Variants in JAG2 observed in about 807,000 individuals in gnomAD.
JAG2 encodes the protein jagged canonical Notch ligand 2, also known as protein jagged-2.
Under a neutral mutation model 141.7 loss-of-function variants are expected in JAG2, and 46 were observed. That is an observed-to-expected ratio of 0.32 (90% CI 0.26 to 0.42). JAG2 has a LOEUF of 0.42. Among genes scored for constraint, JAG2 ranks in the 10% least tolerant of loss-of-function variants. JAG2 has a pLI of 1.00. For missense variants in JAG2, 1,500 were observed against 1,817.5 expected (o/e 0.83, Z 3.18); for synonymous variants, 862 against 763.5 (o/e 1.13, Z -2.13).
rs1273845834 is a variant in JAG2 at position 105,142,770 on chromosome 14, G to A, written c.3642C>T (p.His1214=). The A allele has an allele frequency of 6.2e-7, 1 of 1,610,930 alleles. No homozygotes were observed. Among genetic ancestry groups the A allele is most frequent in the Non-Finnish European group, 8.5e-7 (1 of 1,179,128 alleles). ...DPGRSPGRPA[H]WASGPKVDNR... is the part of the protein sequence containing the mutation. Reference sequence around the variant, plus strand: ...TGTCCACTTTGGGGCCTGAGGCCCAGTGGGCCGGCCTCCCCGGCGAGCGGC... The same window carrying A: ...TGTCCACTTTGGGGCCTGAGGCCCAATGGGCCGGCCTCCCCGGCGAGCGGC... Residue 1214 remains histidine (H), a synonymous_variant, in exon 26 of 26, where the codon CAC becomes CAT. Transcript: ENST00000331782.
rs1416221890 is a variant in JAG2, at chr14:105,149,012, G to A, written c.1831C>T (p.Arg611Cys). 3.1e-6 allele frequency: 5 copies of A among 1,606,792 alleles called. No individual in the cohort carries two copies. Among genetic ancestry groups the A allele is most frequent in the Non-Finnish European group, 3.4e-6 (4 of 1,177,468 alleles). Reference protein sequence around the residue: ...AASGVCGPHGRCVSQPGGNFS... With the variant: ...AASGVCGPHGCCVSQPGGNFS... ...TTGCCCCCTGGCTGGCTGACGCAGC[G>A]TCCATGGGGGCCACACACGCCGGAG... Residue 611 changes from arginine (R) to cysteine (C), a missense_variant, in exon 14 of 26, where the codon CGC becomes TGC. Physicochemically the swap from Arg to Cys is radical, Grantham distance 180. Transcript: ENST00000331782.
Position 105,152,801 on chromosome 14 carries a change from A to G in JAG2, c.789-510T>C, listed in dbSNP as rs587740362. Among the ~76,000 whole-genome samples, 5 of 152,104 alleles carry G rather than the reference A, an allele frequency of 3.3e-5. No individual in the cohort carries two copies. In the South Asian group the frequency reaches 8.3e-4, roughly 25 times the overall value. ...CCCAGTAAAGTCCCACAAGGTACCC[A>G]TCTCACAGATGGGGCTACTGAGGCC... On this transcript the variant is annotated intron_variant, in intron 5 of 25. Transcript: ENST00000331782.
At chr14:105,152,948 G>A (rs1280931755) in intron 5 of JAG2, among the ~76,000 whole-genome samples, 4 of 152,150 alleles carry the variant, frequency 2.6e-5, no homozygotes, top group African/African-American at 7.2e-5. Flanking sequence ...CCAGGCTATC[G>A]GCCAACGTCC....
intron 2 of JAG2, among the ~76,000 whole-genome samples, chr14:105,166,238 G>A (rs1286509296): frequency 3.9e-5 from 6 of 152,388 alleles, no homozygotes; most frequent in Non-Finnish European, 5.9e-5. Context: ...CGAAGAGCCA[G>A]GGCGGACACG....
At chr14:105,148,637 T>C (rs2242635) in intron 15 of JAG2, 108 bp downstream of exon 15, 716,560 of 1,102,754 alleles carry the variant, frequency 0.65, 235,940 homozygotes, top group African/African-American at 0.85. Context: ...TGGCCAGGCC[T>C]TTCTGGGTAC....
intron 8 of JAG2, 65 bp downstream of exon 8, chr14:105,151,561 T>G: frequency 7.1e-7 from 1 of 1,413,364 alleles, no homozygotes; most frequent in Non-Finnish European, 9.8e-7. Flanking sequence ...CCCCAGCGAG[T>G]TGCCCCACTC....
Position 105,167,681 on chromosome 14 carries a change from G to C in JAG2, c.417+76C>G. On this transcript the variant is annotated intron_variant, in intron 2 of 25. Transcript: ENST00000331782. This position sits in a 1 kb window ranked among gnomAD's most constrained non-coding sequence, Gnocchi z 4.8. ...CACGCAGACCCGGCCGCAGGTGTTGGGGGTCGCGAAGCGCGCGGGGCCGGG... is the reference window on the plus strand; with the variant it reads ...CACGCAGACCCGGCCGCAGGTGTTGCGGGTCGCGAAGCGCGCGGGGCCGGG... 1 of 1,308,900 alleles carries C rather than the reference G, an allele frequency of 7.6e-7. No homozygotes were observed. Among genetic ancestry groups the C allele is most frequent in the Non-Finnish European group, 9.7e-7 (1 of 1,030,840 alleles). The allele number at this position is 1,308,900 out of a possible 1,614,324, so 81.1% of individuals were successfully genotyped here. A position where few individuals can be genotyped will look rare whatever the true frequency, so the allele number is the denominator to read the frequency against.
intron 17 of JAG2, 98 bp from the exon 18 acceptor site, chr14:105,147,986 G>C: frequency 2.8e-6 from 3 of 1,079,168 alleles, no homozygotes; most frequent in East Asian, 2.6e-5. Context: ...AGACAGACCC[G>C]GGGGCAGGGG....
Position 105,168,377 on chromosome 14 carries a change from AGC to A in JAG2, c.42_43del (p.Leu15AlafsTer36). 9.8e-7 allele frequency: 1 copy of A among 1,021,270 alleles called. No individual in the cohort carries two copies. Among genetic ancestry groups the A allele is most frequent in the Non-Finnish European group, 1.2e-6 (1 of 829,850 alleles). The allele number at this position is 1,021,270 out of a possible 1,614,324, so 63.3% of individuals were successfully genotyped here. On this transcript the variant is annotated frameshift_variant, in exon 1 of 26. Coordinates refer to ENST00000331782, the MANE Select transcript of JAG2 (RefSeq NM_002226.5). LOFTEE classifies it high-confidence loss of function. ...CACCTGCACCCAGAGCGCCAGCAGC[AGC>A]AGCAGCCGCCGGGGAAGGCGCCCCC...
At position 105,144,437 on chromosome 14, in the gene JAG2, T is replaced by C. The variant is rs587658544; in HGVS notation, c.3084+493A>G. 1.1e-4 allele frequency among the ~76,000 whole-genome samples: 17 copies of C among 152,158 alleles called. No individual in the cohort carries two copies. The South Asian group carries it at 3.5e-3, about 32-fold the overall frequency. ...GCCATGGCCTCCACCAGCCACACTG[T>C]GCCATGGCCACACCCACTGCTCTGC... is the stretch of plus-strand genomic sequence containing the variant. On this transcript the variant is annotated intron_variant, in intron 24 of 25. Transcript: ENST00000331782.
Position 105,142,769 on chromosome 14 carries a change from A to G in JAG2, c.3643T>C (p.Trp1215Arg), listed in dbSNP as rs1290446209. 6.2e-7 allele frequency: 1 copy of G among 1,610,838 alleles called. No homozygotes were observed. Among genetic ancestry groups the G allele is most frequent in the Non-Finnish European group, 8.5e-7 (1 of 1,179,072 alleles). Residue 1215 changes from tryptophan (W) to arginine (R), a missense_variant, in exon 26 of 26, where the codon TGG becomes CGG. By Grantham distance (101) the Trp-to-Arg change is moderately radical (BLOSUM62 -3). Coordinates refer to ENST00000331782, the MANE Select transcript of JAG2 (RefSeq NM_002226.5). Reference sequence around the variant, plus strand: ...TTGTCCACTTTGGGGCCTGAGGCCCAGTGGGCCGGCCTCCCCGGCGAGCGG... The same window carrying G: ...TTGTCCACTTTGGGGCCTGAGGCCCGGTGGGCCGGCCTCCCCGGCGAGCGG... ...PGRSPGRPAH[W>R]ASGPKVDNRA...
chr14:105,148,488 G>A (rs1888302238), intron 15 of JAG2, 49 bp from the exon 16 acceptor site: 1 of 1,418,598 alleles, frequency 7.0e-7, no homozygotes, highest in Non-Finnish European at 9.9e-7. Context: ...CGGCGCTCAG[G>A]GAGGGCTTCC....
intron 6 of JAG2, 50 bp from the exon 7 acceptor site, chr14:105,152,107 C>T (rs1888453830): frequency 6.2e-7 from 1 of 1,613,400 alleles, no homozygotes; most frequent in East Asian, 2.2e-5. Context: ...CCCCGCTCCC[C>T]CACAACCCAC....
chr14:105,159,440 A>C (rs1248646421), intron 2 of JAG2, among the ~76,000 whole-genome samples: 1 of 151,498 alleles, frequency 6.6e-6, no homozygotes, highest in African/African-American at 2.4e-5. Context: ...CCGCCAGGCC[A>C]CGGGGCCCAG....
At chr14:105,155,477 G>T in intron 5 of JAG2, 85 bp downstream of exon 5, 1 of 1,501,220 alleles carries the variant, frequency 6.7e-7, no homozygotes, top group South Asian at 1.1e-5. Context: ...AGCTCCGGGC[G>T]ACTCCTGACA....
chr14:105,143,332 C>G, intron 25 of JAG2, 150 bp downstream of exon 25: 2 of 1,282,800 alleles, frequency 1.6e-6, no homozygotes, highest in Admixed American at 2.0e-5. Context: ...CTGGGAAGGT[C>G]AGGTTGTGGG....
intron 14 of JAG2, 34 bp downstream of exon 14, chr14:105,148,903 C>A: frequency 6.3e-7 from 1 of 1,595,484 alleles, no homozygotes; most frequent in African/African-American, 1.3e-5. Flanking sequence ...GCCAGCCCAG[C>A]CCCACCACCA....
At position 105,142,962 on chromosome 14, in the gene JAG2, C is replaced by T. The variant is rs142271414; in HGVS notation, c.3450G>A (p.Gln1150=). 3.7e-5 allele frequency: 60 copies of T among 1,610,136 alleles called. No individual in the cohort carries two copies. Among genetic ancestry groups the T allele is most frequent in the Admixed American group, 1.5e-4 (9 of 59,924 alleles). The change falls in exon 26 of 26, where the codon CAG becomes CAA. Residue 1150 remains glutamine, a synonymous_variant. Coordinates refer to ENST00000331782, the MANE Select transcript of JAG2 (RefSeq NM_002226.5). ...GCGGCGGCGGCGTGAAGTTCTTGCA[C>T]TGGTAGAGCACGTCCTTGTGGCCCC... is the stretch of plus-strand genomic sequence containing the variant. ...RPGGHKDVLY[Q]CKNFTPPPRR...
chr14:105,151,524 C>A (rs1203969972), intron 8 of JAG2, 102 bp downstream of exon 8: 2 of 1,330,340 alleles, frequency 1.5e-6, no homozygotes, highest in Non-Finnish European at 2.1e-6. Flanking sequence ...CGCAGCCACA[C>A]GTGTGGACTT....
Sources: allele counts gnomAD v4.1 joint callset (sites outside exome capture counted in the v4.1 genomes callset), GRCh38; gene constraint gnomAD v4.1.1; non-coding constraint Gnocchi (gnomAD v3.1); transcripts MANE v1.5; gene names NCBI Gene and HGNC (gene_info 2026-07-23, HGNC 2026-07-21).